Variants in ACIN1 observed in about 807,000 individuals in gnomAD.
The protein encoded by ACIN1 is apoptotic chromatin condensation inducer in the nucleus.
ACIN1 carries 16 observed loss-of-function variants against 146.6 expected under a neutral mutation model. The observed-to-expected ratio is 0.11, with a 90% confidence interval of 0.07 to 0.17. The LOEUF (loss-of-function observed/expected upper bound fraction) is 0.17, where lower values mean the gene tolerates loss of function less well. Among genes scored for constraint, ACIN1 ranks in the 10% least tolerant of loss-of-function variants. ACIN1 has a pLI of 1.00. For synonymous variants in ACIN1, 569 were observed against 582.7 expected (o/e 0.98, Z 0.34); for missense variants, 1,357 against 1,609.3 (o/e 0.84, Z 2.68).
Position 23,080,415 on chromosome 14 carries a change from G to A in ACIN1, c.920C>T (p.Ser307Phe). The change falls in exon 6 of 19, where the codon TCT (serine) becomes TTT (phenylalanine). Residue 307 changes from serine to phenylalanine, a missense_variant. By Grantham distance (155) the Ser-to-Phe change is radical. This residue lies in a region of ACIN1 where 771 missense variants were observed against 746.6 expected (regional missense o/e 1.03). Transcript: ENST00000605057. ...QQQEKEMKTT[S>F]PLEEEEREIK... ...TTCTCTTTCTTCCTCCTCAAGGGGA[G>A]ATGTTGTTTTCATTTCCTTCTCCTG... The A allele has an allele frequency of 6.2e-7, 1 of 1,614,062 alleles. No individual in the cohort carries two copies. The highest frequency in any genetic ancestry group is 8.5e-7 in the Non-Finnish European group (1 of 1,180,004).
At chr14:23,064,044 C>G in intron 12 of ACIN1, 61 bp downstream of exon 12, 2 of 1,596,828 alleles carry the variant, frequency 1.3e-6, no homozygotes, top group Non-Finnish European at 1.7e-6. Context: ...AGCTCCTCAG[C>G]TAGCTGCTCT....
At position 23,059,026 on chromosome 14, in the gene ACIN1, T is replaced by C. The variant is rs1483524212; in HGVS notation, c.*122A>G. On this transcript the variant is annotated 3_prime_UTR_variant, in exon 19 of 19. Coordinates refer to ENST00000605057, the MANE Select transcript of ACIN1 (RefSeq NM_001386863.1). ...TGGCCACTTTTCCATTTGGTATGTA[T>C]GTAGGGATAGGTGATGTGAAAGACC... is the stretch of plus-strand genomic sequence containing the variant. 8.9e-6 allele frequency: 8 copies of C among 894,866 alleles called. No homozygotes were observed. The African/African-American group carries it at 1.0e-4, about 11-fold the overall frequency. The allele number at this position is 894,866 out of a possible 1,614,324, so 55.4% of individuals were successfully genotyped here. A position where few individuals can be genotyped will look rare whatever the true frequency, so the allele number is the denominator to read the frequency against.
Position 23,082,227 on chromosome 14 carries a change from AT to A in ACIN1, c.437-392del, listed in dbSNP as rs199839111. 7.3e-3 allele frequency among the ~76,000 whole-genome samples: 1,104 copies of A among 152,246 alleles called. 17 individuals carry two copies. Among genetic ancestry groups the A allele is most frequent in the African/African-American group, 0.025 (1,056 of 41,546 alleles). On this transcript the variant is annotated intron_variant, in intron 4 of 18. Transcript: ENST00000605057. ...TAAGACTTCATTATGTTCTGTATCC[AT>A]TTTTTTGGATTGCCTATTACTACTA...
At chr14:23,094,802 G>A in intron 1 of ACIN1, 173 bp downstream of exon 1, 1 of 1,010,284 alleles carries the variant, frequency 9.9e-7, no homozygotes, top group Non-Finnish European at 1.4e-6. Flanking sequence ...GAACCGGCGC[G>A]ATCTCCATTC....
chr14:23,090,771 TAA>T, intron 2 of ACIN1, 138 bp from the exon 3 acceptor site: 1 of 598,356 alleles, frequency 1.7e-6, no homozygotes, highest in South Asian at 2.3e-5. Flanking sequence ...GGCTTTTTTC[TAA>T]GTTAGTTCTA....
At chr14:23,078,354 G>A in intron 7 of ACIN1, 88 bp from the exon 8 acceptor site, 2 of 1,129,846 alleles carry the variant, frequency 1.8e-6, no homozygotes, top group Non-Finnish European at 2.6e-6. Context: ...AAAAGGCAGG[G>A]CAGGACATAC....
At chr14:23,072,924 T>C (rs1594762212) in intron 8 of ACIN1, among the ~76,000 whole-genome samples, 2 of 152,234 alleles carry the variant, frequency 1.3e-5, no homozygotes, top group East Asian at 1.9e-4. Flanking sequence ...ATCTGTCTTG[T>C]AATCTGCAAA....
chr14:23,061,750 G>T, intron 16 of ACIN1, 128 bp from the exon 17 acceptor site: 9 of 775,982 alleles, frequency 1.2e-5, no homozygotes, highest in Admixed American at 2.9e-5. Context: ...AAGGCGGTCA[G>T]ATCACGAGGT....
At chr14:23,085,571 G>C (rs964347484) in intron 4 of ACIN1, among the ~76,000 whole-genome samples, 3 of 152,160 alleles carry the variant, frequency 2.0e-5, no homozygotes, top group African/African-American at 7.2e-5. Flanking sequence ...AAATGAACAG[G>C]GCTGTTCAGA....
At chr14:23,071,514 G>C in intron 8 of ACIN1, 3 of 1,551,612 alleles carry the variant, frequency 1.9e-6, no homozygotes, top group Admixed American at 2.0e-5. Context: ...TATTGTATTG[G>C]CGGAGCGGCA....
chr14:23,067,563 G>A lies in ACIN1; in HGVS notation c.2266-1555C>T, dbSNP rs1477388775. 3 of 985,876 alleles carry A rather than the reference G, an allele frequency of 3.0e-6. No homozygotes were observed. The allele number at this position is 985,876 out of a possible 1,614,324, so 61.1% of individuals were successfully genotyped here. A position where few individuals can be genotyped will look rare whatever the true frequency, so the allele number is the denominator to read the frequency against. On this transcript the variant is annotated intron_variant, in intron 9 of 18. Coordinates refer to ENST00000605057, the MANE Select transcript of ACIN1 (RefSeq NM_001386863.1). This position sits in a 1 kb window ranked among gnomAD's most constrained non-coding sequence, Gnocchi z 4.6. ...TTCCATGATGTCAAGACAGTTCACT[G>A]GCGGTGGCCAGGCTCAGCGAGGGAT...
At chr14:23,092,240 G>A (rs1194000866) in intron 2 of ACIN1, among the ~76,000 whole-genome samples, 1 of 151,996 alleles carries the variant, frequency 6.6e-6, no homozygotes, top group Admixed American at 6.6e-5. Flanking sequence ...TACTTTCTAT[G>A]TTATTAGTCA....
chr14:23,063,200 A>ATTATAGGTGCTCT, intron 13 of ACIN1, 126 bp from the exon 14 acceptor site: 1 of 1,198,032 alleles, frequency 8.3e-7, no homozygotes, highest in Non-Finnish European at 1.2e-6. Flanking sequence ...AAACGTGCAG[A>ATTATAGGTGCTCT]GCACCTATAA....
chr14:23,079,662 T>C lies in ACIN1; in HGVS notation c.1673A>G (p.Gln558Arg), dbSNP rs760067082. The C allele has an allele frequency of 1.9e-6, 3 of 1,614,198 alleles. No homozygotes were observed. Among genetic ancestry groups the C allele is most frequent in the East Asian group, 2.2e-5 (1 of 44,892 alleles). Residue 558 changes from glutamine (Q) to arginine (R), a missense_variant, in exon 6 of 19, where the codon CAG becomes CGG. This residue lies in a region of ACIN1 where 771 missense variants were observed against 746.6 expected (regional missense o/e 1.03). Coordinates refer to ENST00000605057, the MANE Select transcript of ACIN1 (RefSeq NM_001386863.1). ...ACGAGGGTTGGCATGAGTACGTGCC[T>C]GGGCTACATCTCTCTGCTTGGATCT... ...PLRSKQRDVA[Q>R]ARTHANPRGR... is the part of the protein sequence containing the mutation.
chr14:23,086,581 G>A (rs910048128), intron 4 of ACIN1, among the ~76,000 whole-genome samples: 1 of 152,180 alleles, frequency 6.6e-6, no homozygotes, highest in Admixed American at 6.5e-5. Context: ...GACTGCTAGG[G>A]CCCAAGCAAT....
At position 23,079,746 on chromosome 14, in the gene ACIN1, C is replaced by T; in HGVS notation, c.1589G>A (p.Ser530Asn). Residue 530 changes from serine to asparagine, a missense_variant, in exon 6 of 19, where the codon AGT becomes AAT. Ser to Asn is a conservative substitution (Grantham distance 46, BLOSUM62 1). Around this residue, in one of 4 missense-constraint regions of ACIN1, gnomAD observed 771 missense variants for 746.6 expected, o/e 1.03. Transcript: ENST00000605057. ...AGGAGAGCGAGATCTTGATCTAGAA[C>T]TGGAGGAGGAAGATGAGGAGGACCG... The part of the protein sequence containing the change: ...SSRSSSSSSS[S>N]SRSRSRSPDS... 9 of 1,614,110 alleles carry T rather than the reference C, an allele frequency of 5.6e-6. No individual in the cohort carries two copies. Among genetic ancestry groups the T allele is most frequent in the Non-Finnish European group, 6.8e-6 (8 of 1,180,020 alleles).
Position 23,069,569 on chromosome 14 carries a change from T to G in ACIN1, c.2172A>C (p.Glu724Asp), listed in dbSNP as rs1566739225. Reference sequence around the variant, plus strand: ...GCATGGGAGGTTCTGGAACATCATTTTCAGGTCTGTTTTCACTTGTGTCCA... The same window carrying G: ...GCATGGGAGGTTCTGGAACATCATTGTCAGGTCTGTTTTCACTTGTGTCCA... The part of the protein sequence containing the change: ...VTMDTSENRP[E>D]NDVPEPPMPI... Residue 724 changes from glutamate (E) to aspartate (D), a missense_variant, in exon 9 of 19, where the codon GAA becomes GAC. Glu to Asp is a conservative substitution (Grantham distance 45, BLOSUM62 2). Around this residue, in one of 4 missense-constraint regions of ACIN1, gnomAD observed 771 missense variants for 746.6 expected, o/e 1.03. Transcript: ENST00000605057. The G allele has an allele frequency of 6.2e-6, 10 of 1,613,434 alleles. No homozygotes were observed. Among genetic ancestry groups the G allele is most frequent in the Non-Finnish European group, 8.5e-6 (10 of 1,179,810 alleles).
At chr14:23,087,442 CT>C (rs78090655) in intron 4 of ACIN1, among the ~76,000 whole-genome samples, 718 of 139,336 alleles carry the variant, frequency 5.2e-3, no homozygotes, top group Non-Finnish European at 5.2e-3. Flanking sequence ...TATTTTTCAC[CT>C]TTTTTTTTTT....
chr14:23,094,405 TAAC>T, intron 1 of ACIN1: 1 of 926,088 alleles, frequency 1.1e-6, no homozygotes, highest in Non-Finnish European at 1.3e-6. Context: ...ACCAAACTCT[TAAC>T]CACCCAAATT....
Sources: gnomAD v4.1 joint callset for allele counts (sites outside exome capture counted in the v4.1 genomes callset) on GRCh38, gnomAD v4.1.1 for gene constraint, gnomAD v4.1.1 regional missense constraint, Gnocchi (gnomAD v3.1) non-coding constraint, MANE v1.5 for transcripts, NCBI Gene and HGNC (gene_info 2026-07-23, HGNC 2026-07-21) for gene names.